The following PDE6C variants were observed in gnomAD, a reference collection of about 807,000 sequenced individuals.
PDE6C encodes phosphodiesterase 6C.
In PDE6C, 75 loss-of-function variants were observed where a neutral mutation model predicts 113.1. That is an observed-to-expected ratio of 0.66 (90% confidence interval 0.55 to 0.80). The LOEUF is 0.80. PDE6C is among the 30% of genes least tolerant of loss of function. The pLI, the probability that PDE6C is intolerant of heterozygous loss-of-function variation, is 0.00. For synonymous variants in PDE6C, 375 were observed against 363.7 expected (o/e 1.03, Z -0.35); for missense variants, 912 against 1,038.6 (o/e 0.88, Z 1.67).
chr10:93,629,915 A>C (rs2058491916), intron 8 of PDE6C, among the ~76,000 whole-genome samples: 1 of 152,094 alleles, frequency 6.6e-6, no homozygotes, highest in Non-Finnish European at 1.5e-5. Context: ...ATGGGCCAGT[A>C]CTGGTTTATA....
chr10:93,648,644 G>GT (rs2058595338), intron 15 of PDE6C, among the ~76,000 whole-genome samples: 1 of 152,124 alleles, frequency 6.6e-6, no homozygotes, highest in East Asian at 1.9e-4. Flanking sequence ...AGCAGAGATG[G>GT]ATTCACTGCT....
chr10:93,620,917 G>A lies in PDE6C; in HGVS notation c.660G>A (p.Val220=), dbSNP rs1236355642. The change falls in exon 3 of 22, where the codon GTG becomes GTA. Residue 220 remains valine (V), a synonymous_variant. Transcript: ENST00000371447. ...EEVFSKYLNF[V]SIILRLHHTS... Reference sequence around the variant, plus strand: ...TCTTTTCCAAATACCTCAACTTTGTGTCTATCATCCTAAGGCTTCATCACA... The same window carrying A: ...TCTTTTCCAAATACCTCAACTTTGTATCTATCATCCTAAGGCTTCATCACA... The A allele has an allele frequency of 6.2e-7, 1 of 1,614,070 alleles. No homozygotes were observed. The highest frequency in any genetic ancestry group is 8.5e-7 in the Non-Finnish European group (1 of 1,179,972).
intron 8 of PDE6C, among the ~76,000 whole-genome samples, chr10:93,632,885 A>G (rs908265009): frequency 2.6e-5 from 4 of 152,236 alleles, no homozygotes; most frequent in African/African-American, 9.6e-5. Context: ...CACTTATTAC[A>G]TGCTCAGTCT....
Position 93,612,930 on chromosome 10 carries a change from G to A in PDE6C, c.205G>A (p.Val69Met), listed in dbSNP as rs568930062. The A allele has an allele frequency of 1.2e-4, 193 of 1,613,996 alleles. 4 individuals carry two copies. The South Asian group carries it at 1.5e-3, about 13-fold the overall frequency. The change falls in exon 1 of 22, where the codon GTG (valine) becomes ATG (methionine). Residue 69 changes from valine to methionine, a missense_variant. By Grantham distance (21) the Val-to-Met change is conservative (BLOSUM62 1). Coordinates refer to ENST00000371447, the MANE Select transcript of PDE6C (RefSeq NM_006204.4). ...CCTGTGCTTGGAGCTGCTGTGGACC[G>A]TGCAGGAGGAGGGGGGCACCCCAGA... ...SALCLELLWTVQEEGGTPEQG... is the reference protein window; with the variant it reads ...SALCLELLWTMQEEGGTPEQG...
At chr10:93,621,394 A>C (rs955372870) in intron 3 of PDE6C, among the ~76,000 whole-genome samples, 5 of 152,206 alleles carry the variant, frequency 3.3e-5, no homozygotes, top group African/African-American at 9.6e-5. Context: ...CATGAGACAG[A>C]GGGATAAAGG....
chr10:93,613,538 G>A (rs1345324416), intron 1 of PDE6C, among the ~76,000 whole-genome samples: 4 of 152,268 alleles, frequency 2.6e-5, no homozygotes, highest in Non-Finnish European at 2.9e-5. Context: ...AGTGCTCTGG[G>A]GGACTTTCCT....
chr10:93,621,619 A>G (rs1294977812), intron 3 of PDE6C, among the ~76,000 whole-genome samples: 1 of 152,070 alleles, frequency 6.6e-6, no homozygotes, highest in Admixed American at 6.5e-5. Context: ...CCGATACTGG[A>G]TTCTCCGTCC....
intron 8 of PDE6C, among the ~76,000 whole-genome samples, chr10:93,630,654 G>T (rs539289759): frequency 2.0e-5 from 3 of 152,040 alleles, no homozygotes; most frequent in Non-Finnish European, 4.4e-5. Context: ...TACCGTTGGG[G>T]TCTGTTTTTC....
At position 93,664,782 on chromosome 10, in the gene PDE6C, A is replaced by C. The variant is rs556824177; in HGVS notation, c.2519-578A>C. Among the ~76,000 whole-genome samples the C allele has an allele frequency of 1.7e-4, 26 of 152,336 alleles. No homozygotes were observed. The South Asian group carries it at 2.1e-3, about 12-fold the overall frequency. ...ACCAGGCATGGAGCTTTGTGCATCA[A>C]GCTCAGATTTCCAGACTGCATTGTC... On this transcript the variant is annotated intron_variant, in intron 21 of 21. Coordinates refer to ENST00000371447, the MANE Select transcript of PDE6C (RefSeq NM_006204.4).
chr10:93,661,852 T>C (rs1339093453), intron 18 of PDE6C, among the ~76,000 whole-genome samples: 1 of 152,196 alleles, frequency 6.6e-6, no homozygotes, highest in Non-Finnish European at 1.5e-5. Flanking sequence ...AGAATAAGCC[T>C]AGAACACTGA....
chr10:93,620,975 A>G lies in PDE6C; in HGVS notation c.718A>G (p.Ser240Gly), dbSNP rs764375899. Residue 240 changes from serine (S) to glycine (G), a missense_variant, in exon 3 of 22, where the codon AGC becomes GGC. Transcript: ENST00000371447. ...SYMYNIESRR[S>G]QILMWSANKV... ...CATGTACAATATTGAATCCCGAAGAAGCCAGGTAAAAGGAAGGCAGCATTA... is the reference window on the plus strand; with the variant it reads ...CATGTACAATATTGAATCCCGAAGAGGCCAGGTAAAAGGAAGGCAGCATTA... The G allele has an allele frequency of 6.2e-7, 1 of 1,613,004 alleles. No individual in the cohort carries two copies. Among genetic ancestry groups the G allele is most frequent in the Non-Finnish European group, 8.5e-7 (1 of 1,178,976 alleles).
chr10:93,618,767 A>T (rs1358826439), intron 1 of PDE6C, among the ~76,000 whole-genome samples: 1 of 152,180 alleles, frequency 6.6e-6, no homozygotes, highest in Non-Finnish European at 1.5e-5. Context: ...ATATCTCAGG[A>T]CTGCTAATCT....
intron 4 of PDE6C, among the ~76,000 whole-genome samples, chr10:93,622,650 G>GTTTTTTTTTTT (rs71031523): frequency 9.3e-6 from 1 of 107,474 alleles, no homozygotes; most frequent in African/African-American, 4.7e-5. Flanking sequence ...TTTTTTTTTT[G>GTTTTTTTTTTT]TTTTTTTTTT....
Position 93,654,806 on chromosome 10 carries a change from CTTTCTTTTT to C in PDE6C, c.1936-950_1936-942del, listed in dbSNP as rs1248717155. Among the ~76,000 whole-genome samples, 31 of 82,946 alleles carry C rather than the reference CTTTCTTTTT, an allele frequency of 3.7e-4. No individual in the cohort carries two copies. In the East Asian group the frequency reaches 0.012, roughly 33 times the overall value. 54.4% of individuals were successfully genotyped at this position (82,946 alleles called of 152,430 possible). ...TCTTTCTTTCTTTCTTTCTTTCTTT[CTTTCTTTTT>C]TTTTTTTTTTGAAACAGGGTCTCTC... On this transcript the variant is annotated intron_variant, in intron 15 of 21. Transcript: ENST00000371447.
intron 1 of PDE6C, among the ~76,000 whole-genome samples, chr10:93,616,875 A>G (rs2043766081): frequency 6.6e-6 from 1 of 152,110 alleles, no homozygotes; most frequent in Non-Finnish European, 1.5e-5. Flanking sequence ...GCTCGTCTTG[A>G]ACTTCTGACC....
At chr10:93,617,512 A>C (rs745415459) in intron 1 of PDE6C, among the ~76,000 whole-genome samples, 2 of 152,168 alleles carry the variant, frequency 1.3e-5, no homozygotes, top group African/African-American at 4.8e-5. Context: ...GGTGGCTTAC[A>C]CCTGTAATCT....
rs535985496 is a variant in PDE6C, at chr10:93,638,093, T to C, written c.1482+1030T>C. Among the ~76,000 whole-genome samples, 39 of 152,332 alleles carry C rather than the reference T, an allele frequency of 2.6e-4. 1 individual carries two copies. Among genetic ancestry groups the C allele is most frequent in the Admixed American group, 2.4e-3 (36 of 15,300 alleles). Reference sequence around the variant, plus strand: ...GATATTTACGAAGACCCCAAGACCTTGAATTTCAGAGGATTGAATTCCTTC... The same window carrying C: ...GATATTTACGAAGACCCCAAGACCTCGAATTTCAGAGGATTGAATTCCTTC... On this transcript the variant is annotated intron_variant, in intron 11 of 21. Transcript: ENST00000371447.
chr10:93,635,468 G>C, intron 9 of PDE6C, 29 bp from the exon 10 acceptor site: 3 of 1,599,894 alleles, frequency 1.9e-6, no homozygotes, highest in Non-Finnish European at 1.7e-6. Flanking sequence ...TCACTGAAGA[G>C]AATTAGAATC....
chr10:93,627,587 A>G (rs1401107272), intron 7 of PDE6C, among the ~76,000 whole-genome samples: 1 of 152,168 alleles, frequency 6.6e-6, no homozygotes, highest in Non-Finnish European at 1.5e-5. Flanking sequence ...TATTGAGTTA[A>G]AAGCTTGGGC....
Sources: allele counts gnomAD v4.1 joint callset (sites outside exome capture counted in the v4.1 genomes callset), GRCh38; gene constraint gnomAD v4.1.1; transcripts MANE v1.5; gene names NCBI Gene and HGNC (gene_info 2026-07-23, HGNC 2026-07-21).